Variants in ZEB1 observed in about 807,000 individuals in gnomAD.
ZEB1 encodes zinc finger E-box-binding homeobox 1.
ZEB1 carries 21 observed loss-of-function variants against 84.9 expected under a neutral mutation model. The ratio of observed to expected loss-of-function variants is 0.25; its 90% CI spans 0.18 to 0.36. The LOEUF is 0.36. Among genes scored for constraint, ZEB1 ranks in the 10% least tolerant of loss-of-function variants. ZEB1 has a pLI of 1.00. For synonymous variants in ZEB1, 420 were observed against 471.1 expected (o/e 0.89, Z 1.41); for missense variants, 1,104 against 1,330.2 (o/e 0.83, Z 2.65).
chr10:31,422,243 A>C (rs1354967689), intron 1 of ZEB1, among the ~76,000 whole-genome samples: 1 of 152,200 alleles, frequency 6.6e-6, no homozygotes, highest in Non-Finnish European at 1.5e-5. Context: ...AGGGTACGGT[A>C]GTAGCAGAGG....
intron 1 of ZEB1, among the ~76,000 whole-genome samples, chr10:31,395,907 AAAATC>A (rs138666729): frequency 0.015 from 2,348 of 152,336 alleles, 54 homozygotes; most frequent in African/African-American, 0.052. Context: ...AATTTGAACT[AAAATC>A]AAGGCAGTTT....
At chr10:31,319,550 T>A in intron 1 of ZEB1, 1 of 502,684 alleles carries the variant, frequency 2.0e-6, no homozygotes, top group South Asian at 2.4e-5. Flanking sequence ...CCGCCGCCCC[T>A]GCCGCCTCCC....
At chr10:31,319,378 G>A (rs982167945) in intron 1 of ZEB1, 86 bp downstream of exon 1, 34 of 1,387,482 alleles carry the variant, frequency 2.5e-5, no homozygotes, top group Admixed American at 5.8e-5. Flanking sequence ...GGGCGAGCCG[G>A]GCTGGGGGCA....
intron 1 of ZEB1, among the ~76,000 whole-genome samples, chr10:31,374,616 T>C (rs1357634804): frequency 6.6e-6 from 1 of 151,704 alleles, no homozygotes; most frequent in East Asian, 1.9e-4. Context: ...CCTATAAGGG[T>C]AGGAACAATA....
intron 1 of ZEB1, among the ~76,000 whole-genome samples, chr10:31,437,500 A>G (rs2058428955): frequency 6.6e-6 from 1 of 152,194 alleles, no homozygotes; most frequent in Middle Eastern, 3.2e-3. Context: ...TCCAATTAAA[A>G]TTTCATTAAT....
chr10:31,409,173 A>T (rs1165968163), intron 1 of ZEB1, among the ~76,000 whole-genome samples: 1 of 152,224 alleles, frequency 6.6e-6, no homozygotes, highest in African/African-American at 2.4e-5. Flanking sequence ...CATCAGAGAA[A>T]TGCAAATCAA....
intron 1 of ZEB1, among the ~76,000 whole-genome samples, chr10:31,347,101 G>A (rs1187740957): frequency 6.6e-6 from 1 of 152,080 alleles, no homozygotes; most frequent in Non-Finnish European, 1.5e-5. Flanking sequence ...GGAGGTGTTA[G>A]GAAACTCATT....
intron 1 of ZEB1, among the ~76,000 whole-genome samples, chr10:31,341,941 T>TTAC (rs1428592819): frequency 6.6e-6 from 1 of 152,188 alleles, no homozygotes; most frequent in Non-Finnish European, 1.5e-5. Flanking sequence ...TTTTACCAGA[T>TTAC]GGTACAGTAA....
intron 1 of ZEB1, among the ~76,000 whole-genome samples, chr10:31,433,143 TTGAG>T (rs1260462846): frequency 1.3e-5 from 2 of 152,220 alleles, no homozygotes; most frequent in African/African-American, 2.4e-5. Flanking sequence ...CTCTTGAACT[TTGAG>T]TGGGCCTTTT....
chr10:31,483,462 A>G (rs541118845), intron 2 of ZEB1, among the ~76,000 whole-genome samples: 1 of 152,018 alleles, frequency 6.6e-6, no homozygotes, highest in Non-Finnish European at 1.5e-5. Context: ...ATATACATTA[A>G]ATATGATATC....
chr10:31,439,079 A>G (rs1161848272), intron 1 of ZEB1, among the ~76,000 whole-genome samples: 5 of 152,280 alleles, frequency 3.3e-5, no homozygotes, highest in South Asian at 4.2e-4. Context: ...CAGAAAAACA[A>G]GTCACTCCTT....
intron 1 of ZEB1, among the ~76,000 whole-genome samples, chr10:31,401,807 T>C (rs1359057108): frequency 6.6e-6 from 1 of 152,174 alleles, no homozygotes; most frequent in African/African-American, 2.4e-5. Context: ...CAGATGCCTT[T>C]AGAATACAGT....
At position 31,520,100 on chromosome 10, in the gene ZEB1, T is replaced by C. The variant is rs1592079676; in HGVS notation, c.794-26T>C. On this transcript the variant is annotated intron_variant, in intron 6 of 8. Coordinates refer to ENST00000424869, the MANE Select transcript of ZEB1 (RefSeq NM_001174096.2). This position sits in a 1 kb window ranked among gnomAD's most constrained non-coding sequence, Gnocchi z 5.1. Reference sequence around the variant, plus strand: ...AATTTATATGTAATAATTCAGTGAATATAATTTGTTTGTTTGTTTGTTTAG... The same window carrying C: ...AATTTATATGTAATAATTCAGTGAACATAATTTGTTTGTTTGTTTGTTTAG... 2 of 1,611,394 alleles carry C rather than the reference T, an allele frequency of 1.2e-6. No homozygotes were observed. Among genetic ancestry groups the C allele is most frequent in the Non-Finnish European group, 1.7e-6 (2 of 1,179,122 alleles).
At position 31,361,870 on chromosome 10, in the gene ZEB1, G is replaced by A. The variant is rs186172579; in HGVS notation, c.58+42578G>A. 4.8e-3 allele frequency among the ~76,000 whole-genome samples: 623 copies of A among 129,624 alleles called. 10 individuals are homozygous for A. Among genetic ancestry groups the A allele is most frequent in the African/African-American group, 0.017 (589 of 33,918 alleles). 85.0% of individuals were successfully genotyped at this position (129,624 alleles called of 152,430 possible). ...GCCGGGCAGAGGCACTCCTCGCTTCGCAGACGGGACGGCGGCAAGGCAGGG... is the reference window on the plus strand; with the variant it reads ...GCCGGGCAGAGGCACTCCTCGCTTCACAGACGGGACGGCGGCAAGGCAGGG... On this transcript the variant is annotated intron_variant, in intron 1 of 8. Coordinates refer to ENST00000424869, the MANE Select transcript of ZEB1 (RefSeq NM_001174096.2).
At position 31,322,702 on chromosome 10, in the gene ZEB1, GTCTTTT is replaced by G. The variant is rs570882547; in HGVS notation, c.58+3420_58+3425del. On this transcript the variant is annotated intron_variant, in intron 1 of 8. Transcript: ENST00000424869. ...TGCTTTGTTGCATTTTAAAAAATCTGTCTTTTTCTTTTTCTGCTTTCTTCTATGTGG... is the reference window on the plus strand; with the variant it reads ...TGCTTTGTTGCATTTTAAAAAATCTGTCTTTTTCTGCTTTCTTCTATGTGG... 6.0e-5 allele frequency among the ~76,000 whole-genome samples: 9 copies of G among 150,810 alleles called. No homozygotes were observed. The South Asian group carries it at 1.0e-3, about 18-fold the overall frequency.
chr10:31,389,352 A>G (rs1322959267), intron 1 of ZEB1, among the ~76,000 whole-genome samples: 1 of 152,198 alleles, frequency 6.6e-6, no homozygotes, highest in African/African-American at 2.4e-5. Context: ...ACATATACAC[A>G]TACCTATATT....
chr10:31,402,923 A>G (rs117573257), intron 1 of ZEB1, among the ~76,000 whole-genome samples: 5,022 of 152,200 alleles, frequency 0.033, 115 homozygotes, highest in South Asian at 0.065. Flanking sequence ...GCATTCTGCA[A>G]TTTTTCTTAA....
chr10:31,349,709 G>C (rs2040975841), intron 1 of ZEB1, among the ~76,000 whole-genome samples: 1 of 152,088 alleles, frequency 6.6e-6, no homozygotes, highest in Non-Finnish European at 1.5e-5. Flanking sequence ...TTGGCAATTT[G>C]TATGTCATCC....
chr10:31,499,370 T>C (rs184462408), intron 3 of ZEB1, among the ~76,000 whole-genome samples: 3 of 152,306 alleles, frequency 2.0e-5, no homozygotes, highest in African/African-American at 7.2e-5. Flanking sequence ...AAAACACTTT[T>C]ATTACATGAA....
Sources: allele counts gnomAD v4.1 joint callset (sites outside exome capture counted in the v4.1 genomes callset), GRCh38; gene constraint gnomAD v4.1.1; non-coding constraint Gnocchi (gnomAD v3.1); transcripts MANE v1.5; gene names NCBI Gene and HGNC (gene_info 2026-07-23, HGNC 2026-07-21).